NELL1: variants seen among roughly 807,000 people sequenced by gnomAD.
The protein encoded by NELL1 is neural EGFL like 1, also known as protein kinase C-binding protein NELL1.
A neutral mutation model predicts 107.4 loss-of-function variants in NELL1; 76 were observed. The ratio of observed to expected loss-of-function variants is 0.71; its 90% CI spans 0.59 to 0.86. The LOEUF is 0.86. Ranked by LOEUF, NELL1 falls within the 40% of genes least tolerant of loss-of-function variation. NELL1 has a pLI of 0.00. For missense variants in NELL1, 1,024 were observed against 1,005.5 expected, an observed-to-expected ratio of 1.02 and a Z score of -0.25; for synonymous variants, 353 against 341.2, an observed-to-expected ratio of 1.03 and a Z score of -0.38.
Position 21,575,150 on chromosome 11 carries a change from T to C in NELL1, c.*128T>C. ...TTAACCACAGATAATTGCCAAAGTT[T>C]CCACCTGAGGACGGTGTTTGGAGGT... On this transcript the variant is annotated 3_prime_UTR_variant, in exon 20 of 20. Transcript: ENST00000357134. The C allele has an allele frequency of 1.2e-6, 1 of 833,182 alleles. No individual in the cohort carries two copies. Among genetic ancestry groups the C allele is most frequent in the Non-Finnish European group, 2.0e-6 (1 of 507,332 alleles). The allele number at this position is 833,182 out of a possible 1,614,324, so 51.6% of individuals were successfully genotyped here.
intron 15 of NELL1, among the ~76,000 whole-genome samples, chr11:21,475,760 T>C (rs981021400): frequency 5.3e-5 from 8 of 152,198 alleles, no homozygotes; most frequent in Non-Finnish European, 7.3e-5. Context: ...TTTGTTAGCA[T>C]AGCAAAAGTT....
rs563334909 is a variant in NELL1 at position 20,905,921 on chromosome 11, A to G, written c.604-12261A>G. Among the ~76,000 whole-genome samples the G allele has an allele frequency of 4.6e-5, 7 of 152,320 alleles. No individual in the cohort carries two copies. The East Asian group carries it at 7.7e-4, about 17-fold the overall frequency. On this transcript the variant is annotated intron_variant, in intron 5 of 19. Transcript: ENST00000357134. ...AACATTTGATGAAATATATGAATCT[A>G]TGTATCCAAGAAGTTTAGCAAACTG...
chr11:21,485,267 A>G (rs1854596016), intron 15 of NELL1, among the ~76,000 whole-genome samples: 1 of 152,072 alleles, frequency 6.6e-6, no homozygotes, highest in South Asian at 2.1e-4. Flanking sequence ...GAAAGAGGGG[A>G]AGCCAGGCAC....
intron 3 of NELL1, among the ~76,000 whole-genome samples, chr11:20,786,731 A>G (rs374160262): frequency 2.6e-4 from 39 of 152,130 alleles, no homozygotes; most frequent in South Asian, 2.1e-3. Context: ...TTTAGAGGCC[A>G]GGCGCGGTGG....
intron 14 of NELL1, among the ~76,000 whole-genome samples, chr11:21,238,505 C>T (rs1175844935): frequency 2.6e-5 from 4 of 151,948 alleles, no homozygotes; most frequent in Non-Finnish European, 4.4e-5. Flanking sequence ...AGAGAAGAGA[C>T]ACTTTAATAA....
At chr11:21,006,843 A>G (rs71488769) in intron 12 of NELL1, among the ~76,000 whole-genome samples, 6,271 of 152,232 alleles carry the variant, frequency 0.041, 190 homozygotes, top group Middle Eastern at 0.14. Flanking sequence ...GGAAGCGGGC[A>G]GGCTGGGCCA....
At chr11:21,338,276 C>A (rs1278382809) in intron 14 of NELL1, among the ~76,000 whole-genome samples, 1 of 152,174 alleles carries the variant, frequency 6.6e-6, no homozygotes. Flanking sequence ...ACTGTGAGCA[C>A]ATGTTAAACA....
At chr11:21,432,531 ATTAC>A (rs543043390) in intron 15 of NELL1, among the ~76,000 whole-genome samples, 96 of 152,238 alleles carry the variant, frequency 6.3e-4, no homozygotes, top group African/African-American at 2.2e-3. Flanking sequence ...AGTTGAGTTT[ATTAC>A]TTCCTGCAAA....
chr11:20,782,526 C>T (rs1856871754), intron 2 of NELL1, among the ~76,000 whole-genome samples: 2 of 152,194 alleles, frequency 1.3e-5, no homozygotes, highest in East Asian at 1.9e-4. Flanking sequence ...GACTGAGGCC[C>T]GAGGTCAAGA....
chr11:20,769,815 C>T (rs901054913), intron 2 of NELL1, among the ~76,000 whole-genome samples: 8 of 152,064 alleles, frequency 5.3e-5, no homozygotes, highest in African/African-American at 1.9e-4. Context: ...GTCTTGCGCT[C>T]TGAGATCTGA....
chr11:21,017,658 C>A (rs942435027), intron 12 of NELL1, among the ~76,000 whole-genome samples: 12 of 152,096 alleles, frequency 7.9e-5, no homozygotes, highest in African/African-American at 2.9e-4. Context: ...TTTGTGTCCG[C>A]TACTGGAATA....
intron 12 of NELL1, among the ~76,000 whole-genome samples, chr11:21,066,848 G>A (rs1169746662): frequency 1.3e-5 from 2 of 152,082 alleles, no homozygotes; most frequent in African/African-American, 4.8e-5. Context: ...CAGCTACTTG[G>A]GAGGCTGAGG....
rs189971791 is a variant in NELL1 at position 21,542,789 on chromosome 11, G to A, written c.1786+8275G>A. On this transcript the variant is annotated intron_variant, in intron 16 of 19. Transcript: ENST00000357134. ...ATGCACTGCCTCTTAAAAGCAATTA[G>A]AATAGTATATACAAAGATCACATGT... is the stretch of plus-strand genomic sequence containing the variant. 3.2e-4 allele frequency among the ~76,000 whole-genome samples: 48 copies of A among 151,976 alleles called. 1 individual carries two copies. Among genetic ancestry groups the A allele is most frequent in the South Asian group, 2.3e-3 (11 of 4,816 alleles).
At chr11:20,989,151 A>C (rs1228144549) in intron 12 of NELL1, among the ~76,000 whole-genome samples, 5 of 152,204 alleles carry the variant, frequency 3.3e-5, no homozygotes, top group African/African-American at 1.2e-4. Flanking sequence ...TTCGTGATGC[A>C]GAATGCTCTT....
chr11:20,840,198 A>G (rs1413305003), intron 3 of NELL1, among the ~76,000 whole-genome samples: 1 of 152,246 alleles, frequency 6.6e-6, no homozygotes, highest in Non-Finnish European at 1.5e-5. Flanking sequence ...ATTTATAAGC[A>G]GAAAATCAAC....
At chr11:20,709,905 C>T (rs1461398523) in intron 2 of NELL1, among the ~76,000 whole-genome samples, 1 of 152,074 alleles carries the variant, frequency 6.6e-6, no homozygotes, top group Non-Finnish European at 1.5e-5. Flanking sequence ...ATTTTGTATC[C>T]TGAATCTTTA....
chr11:21,234,463 T>C (rs1248053803), intron 14 of NELL1, among the ~76,000 whole-genome samples: 3 of 152,140 alleles, frequency 2.0e-5, no homozygotes, highest in Non-Finnish European at 2.9e-5. Flanking sequence ...TGCACCATGA[T>C]TGGGCGTGGG....
intron 13 of NELL1, among the ~76,000 whole-genome samples, chr11:21,205,793 G>T (rs1013926819): frequency 1.3e-5 from 2 of 152,196 alleles, no homozygotes; most frequent in Non-Finnish European, 2.9e-5. Flanking sequence ...TGGGGGCTCA[G>T]ATGTGAGAAA....
intron 3 of NELL1, among the ~76,000 whole-genome samples, chr11:20,824,442 G>A (rs1857828786): frequency 6.6e-6 from 1 of 151,206 alleles, no homozygotes; most frequent in Non-Finnish European, 1.5e-5. Flanking sequence ...AACAGGCAGG[G>A]GTTGGAACAG....
Sources: gnomAD v4.1 joint callset for allele counts (sites outside exome capture counted in the v4.1 genomes callset) on GRCh38, gnomAD v4.1.1 for gene constraint, MANE v1.5 for transcripts, NCBI Gene and HGNC (gene_info 2026-07-23, HGNC 2026-07-21) for gene names.